AKT3: variants seen among roughly 807,000 people sequenced by gnomAD.
AKT3 encodes the protein RAC-gamma serine/threonine-protein kinase.
AKT3 carries 15 observed loss-of-function variants against 65.3 expected under a neutral mutation model. That is an observed-to-expected ratio of 0.23 (90% CI 0.15 to 0.35). The LOEUF (loss-of-function observed/expected upper bound fraction) is 0.35. AKT3 is among the 10% of genes least tolerant of loss of function. The probability of loss-of-function intolerance (pLI) is 1.00; values close to 1 mark genes in which losing one functional copy is unlikely to be tolerated. For missense variants in AKT3, 243 were observed against 576.5 expected, an observed-to-expected ratio of 0.42 and a Z score of 5.92; for synonymous variants, 206 against 183.8, an observed-to-expected ratio of 1.12 and a Z score of -0.98.
chr1:243,612,179 G>A (rs1677919186), intron 8 of AKT3, among the ~76,000 whole-genome samples: 2 of 151,980 alleles, frequency 1.3e-5, no homozygotes, highest in Non-Finnish European at 2.9e-5. Context: ...CATGACCATG[G>A]CTCACTGCAG....
intron 2 of AKT3, among the ~76,000 whole-genome samples, chr1:243,800,209 TACA>T (rs1242086534): frequency 6.6e-6 from 1 of 152,214 alleles, no homozygotes; most frequent in Non-Finnish European, 1.5e-5. Flanking sequence ...TTGCTAGGTG[TACA>T]ACCTTAGACA....
rs80107936 is a variant in AKT3 at position 243,532,812 on chromosome 1, G to T, written c.1251+12698C>A. ...CTTTGGTGGGAGGTTTGCGATTAGTGATTTTATTTCTTTAAGAGTTACGGG... is the reference window on the plus strand; with the variant it reads ...CTTTGGTGGGAGGTTTGCGATTAGTTATTTTATTTCTTTAAGAGTTACGGG... On this transcript the variant is annotated intron_variant, in intron 12 of 13. Transcript: ENST00000673466. Among the ~76,000 whole-genome samples the T allele has an allele frequency of 6.2e-3, 944 of 152,188 alleles. 12 individuals are homozygous for T. Among genetic ancestry groups the T allele is most frequent in the African/African-American group, 0.021 (866 of 41,522 alleles).
chr1:243,637,334 T>C (rs1680045779), intron 6 of AKT3, among the ~76,000 whole-genome samples: 1 of 152,126 alleles, frequency 6.6e-6, no homozygotes, highest in African/African-American at 2.4e-5. Flanking sequence ...AGTATAATTA[T>C]GATATAGATC....
chr1:243,506,146 G>A (rs1232589212), intron 13 of AKT3, among the ~76,000 whole-genome samples: 3 of 152,214 alleles, frequency 2.0e-5, no homozygotes, highest in African/African-American at 4.8e-5. Flanking sequence ...GCGCTCCCAC[G>A]CATCTGCTCT....
chr1:243,804,601 C>G (rs1166461284), intron 2 of AKT3, among the ~76,000 whole-genome samples: 1 of 152,158 alleles, frequency 6.6e-6, no homozygotes, highest in African/African-American at 2.4e-5. Flanking sequence ...AATCCCAGCA[C>G]TTTGGGAGGC....
At chr1:243,642,362 T>G (rs895513646) in intron 5 of AKT3, among the ~76,000 whole-genome samples, 1 of 152,244 alleles carries the variant, frequency 6.6e-6, no homozygotes, top group African/African-American at 2.4e-5. Flanking sequence ...CAGGCTAGAG[T>G]GCAGTGGCAC....
intron 8 of AKT3, among the ~76,000 whole-genome samples, chr1:243,608,328 A>G (rs1011549675): frequency 1.3e-5 from 2 of 152,208 alleles, no homozygotes; most frequent in Non-Finnish European, 2.9e-5. Context: ...CTAAACCCCT[A>G]ACTCAAATTA....
chr1:243,620,744 A>C (rs1021924001), intron 6 of AKT3, among the ~76,000 whole-genome samples: 2 of 152,080 alleles, frequency 1.3e-5, no homozygotes, highest in Admixed American at 6.6e-5. Flanking sequence ...TTCTCTGTTA[A>C]CTACAAACAT....
intron 2 of AKT3, among the ~76,000 whole-genome samples, chr1:243,697,144 T>A (rs956371710): frequency 1.3e-5 from 2 of 152,040 alleles, no homozygotes; most frequent in Non-Finnish European, 2.9e-5. Context: ...ATTTTATAAA[T>A]GTTTTACTTC....
intron 13 of AKT3, among the ~76,000 whole-genome samples, chr1:243,509,779 G>A (rs989593258): frequency 6.6e-6 from 1 of 152,108 alleles, no homozygotes; most frequent in Non-Finnish European, 1.5e-5. Context: ...AACTCTCGGT[G>A]CCTCTCCTAA....
At chr1:243,554,444 G>A (rs773341994) in intron 10 of AKT3, among the ~76,000 whole-genome samples, 9 of 152,042 alleles carry the variant, frequency 5.9e-5, no homozygotes, top group Non-Finnish European at 1.2e-4. Context: ...CATCATCAGC[G>A]CAAAGAATGT....
At chr1:243,703,781 A>G (rs1384554108) in intron 2 of AKT3, among the ~76,000 whole-genome samples, 1 of 151,306 alleles carries the variant, frequency 6.6e-6, no homozygotes, top group Non-Finnish European at 1.5e-5. Context: ...AAAAAAAAGA[A>G]AAAGAAAAAT....
chr1:243,586,140 A>T (rs913682162), intron 8 of AKT3, among the ~76,000 whole-genome samples: 1 of 152,188 alleles, frequency 6.6e-6, no homozygotes, highest in African/African-American at 2.4e-5. Context: ...CACATCACTA[A>T]TCTTCAGGGA....
chr1:243,649,481 T>C (rs1166974685), intron 4 of AKT3, among the ~76,000 whole-genome samples: 1 of 151,986 alleles, frequency 6.6e-6, no homozygotes, highest in Non-Finnish European at 1.5e-5. Context: ...CTTACATGGG[T>C]ATACATGTGT....
intron 12 of AKT3, among the ~76,000 whole-genome samples, chr1:243,536,156 T>C (rs1671910583): frequency 6.6e-6 from 1 of 152,220 alleles, no homozygotes; most frequent in South Asian, 2.1e-4. Context: ...TGCAAATATT[T>C]CCTCCCAAAC....
At chr1:243,722,043 A>G (rs1324535532) in intron 2 of AKT3, among the ~76,000 whole-genome samples, 1 of 152,178 alleles carries the variant, frequency 6.6e-6, no homozygotes, top group Non-Finnish European at 1.5e-5. Context: ...ATTCCAAATA[A>G]TTTCCAAACA....
intron 2 of AKT3, among the ~76,000 whole-genome samples, chr1:243,784,530 G>C (rs975554732): frequency 1.3e-5 from 2 of 151,998 alleles, no homozygotes; most frequent in Non-Finnish European, 2.9e-5. Flanking sequence ...CAAATTTTTA[G>C]AAACTGCCAA....
At chr1:243,693,090 C>T (rs1047568920) in intron 3 of AKT3, among the ~76,000 whole-genome samples, 1 of 150,304 alleles carries the variant, frequency 6.7e-6, no homozygotes, top group Non-Finnish European at 1.5e-5. Context: ...GTTCTCAAAC[C>T]CCTTTACAGT....
intron 2 of AKT3, among the ~76,000 whole-genome samples, chr1:243,828,988 T>C (rs371141780): frequency 6.6e-6 from 1 of 152,216 alleles, no homozygotes; most frequent in Admixed American, 6.5e-5. Flanking sequence ...GTATCATTTA[T>C]GTAATGTGAG....
Sources: gnomAD v4.1 joint callset for allele counts (sites outside exome capture counted in the v4.1 genomes callset) on GRCh38, gnomAD v4.1.1 for gene constraint, MANE v1.5 for transcripts, NCBI Gene and HGNC (gene_info 2026-07-23, HGNC 2026-07-21) for gene names.